DGKB: variants seen among roughly 807,000 people sequenced by gnomAD.
The protein encoded by DGKB is 90 kDa diacylglycerol kinase.
Under a neutral mutation model 114.3 loss-of-function variants are expected in DGKB, and 67 were observed. The observed-to-expected ratio is 0.59, with a 90% CI of 0.48 to 0.72. The LOEUF (loss-of-function observed/expected upper bound fraction) is 0.72, where lower values mean the gene tolerates loss of function less well. DGKB is among the 30% of genes least tolerant of loss of function. The pLI is 0.00. For missense variants in DGKB, 907 were observed against 975.2 expected (o/e 0.93, Z 0.93); for synonymous variants, 398 against 323.1 (o/e 1.23, Z -2.49).
At chr7:14,308,254 C>G (rs962588516) in intron 23 of DGKB, among the ~76,000 whole-genome samples, 1 of 151,850 alleles carries the variant, frequency 6.6e-6, no homozygotes, top group African/African-American at 2.4e-5. Flanking sequence ...AATGGCTATG[C>G]CATGAGTAAT....
intron 21 of DGKB, among the ~76,000 whole-genome samples, chr7:14,440,255 C>A (rs1829893532): frequency 6.6e-6 from 1 of 152,108 alleles, no homozygotes; most frequent in Non-Finnish European, 1.5e-5. Flanking sequence ...TTCTGACTGC[C>A]CTCAGCATTC....
intron 13 of DGKB, among the ~76,000 whole-genome samples, chr7:14,637,862 C>T (rs1282493993): frequency 6.6e-6 from 1 of 151,772 alleles, no homozygotes; most frequent in African/African-American, 2.4e-5. Context: ...ATTGGAGTAA[C>T]ATTCACTAAA....
intron 2 of DGKB, among the ~76,000 whole-genome samples, chr7:14,779,987 A>T (rs1207630813): frequency 6.6e-6 from 1 of 151,152 alleles, no homozygotes; most frequent in Non-Finnish European, 1.5e-5. Context: ...CTCCATGGAG[A>T]TTCCTCTTCT....
chr7:14,852,606 T>C (rs1185161764), intron 1 of DGKB, among the ~76,000 whole-genome samples: 1 of 152,030 alleles, frequency 6.6e-6, no homozygotes, highest in Non-Finnish European at 1.5e-5. Flanking sequence ...TTTGTTTTTG[T>C]CTTTCATAAA....
At chr7:14,330,910 A>C (rs571592372) in intron 23 of DGKB, among the ~76,000 whole-genome samples, 14 of 152,070 alleles carry the variant, frequency 9.2e-5, no homozygotes, top group African/African-American at 3.1e-4. Flanking sequence ...TATATATTGA[A>C]AATTTTTTTA....
chr7:14,761,715 G>A (rs1835723258), intron 2 of DGKB, among the ~76,000 whole-genome samples: 1 of 152,186 alleles, frequency 6.6e-6, no homozygotes, highest in Non-Finnish European at 1.5e-5. Flanking sequence ...GAGCAATGCT[G>A]AGAAATCCAG....
At chr7:14,380,830 A>G (rs957022402) in intron 21 of DGKB, among the ~76,000 whole-genome samples, 5 of 152,224 alleles carry the variant, frequency 3.3e-5, no homozygotes, top group African/African-American at 1.2e-4. Context: ...TTTTAATTCT[A>G]CAGACATTGC....
At chr7:14,445,097 C>T (rs1184281833) in intron 21 of DGKB, among the ~76,000 whole-genome samples, 1 of 151,834 alleles carries the variant, frequency 6.6e-6, no homozygotes, top group African/African-American at 2.4e-5. Flanking sequence ...TATATATTCT[C>T]ATTCTTTCTT....
intron 1 of DGKB, among the ~76,000 whole-genome samples, chr7:14,866,806 A>C (rs781430976): frequency 2.0e-5 from 3 of 152,128 alleles, no homozygotes; most frequent in Non-Finnish European, 4.4e-5. Flanking sequence ...GAAACCACCA[A>C]ACTGTTTTTC....
chr7:14,250,696 T>C (rs1411532916), intron 23 of DGKB, among the ~76,000 whole-genome samples: 1 of 152,164 alleles, frequency 6.6e-6, no homozygotes, highest in Non-Finnish European at 1.5e-5. Context: ...TGTTTCCTTA[T>C]TGATTTTCTG....
intron 23 of DGKB, among the ~76,000 whole-genome samples, chr7:14,274,282 A>C (rs10950516): frequency 0.88 from 134,249 of 152,196 alleles, 59,523 homozygotes; most frequent in African/African-American, 0.97. Flanking sequence ...CAGTGTTTGG[A>C]AACAGCCTCC....
At chr7:14,283,694 C>G (rs1413565368) in intron 23 of DGKB, among the ~76,000 whole-genome samples, 1 of 151,954 alleles carries the variant, frequency 6.6e-6, no homozygotes, top group Non-Finnish European at 1.5e-5. Flanking sequence ...GAACAGAGCC[C>G]TGAGAAATAA....
chr7:14,704,818 T>A lies in DGKB; in HGVS notation c.467-3088A>T, dbSNP rs554895749. The stretch of plus-strand genomic sequence containing the variant: ...GACATCCACACCAAAAACCCATCTG[T>A]ACATCACCATCATCAAACACCAAAA... On this transcript the variant is annotated intron_variant, in intron 6 of 25. Transcript: ENST00000402815. Among the ~76,000 whole-genome samples the A allele has an allele frequency of 4.6e-5, 7 of 152,184 alleles. No homozygotes were observed. The South Asian group carries it at 1.5e-3, about 32-fold the overall frequency.
chr7:14,476,270 T>C lies in DGKB; in HGVS notation c.1835+1891A>G, dbSNP rs1020411935. ...AATAGCTATATTCATTTCCAGGATA[T>C]TTGAGGTGTATAATCAAGTGCTGAA... On this transcript the variant is annotated intron_variant, in intron 21 of 25. Transcript: ENST00000402815. 2.6e-5 allele frequency among the ~76,000 whole-genome samples: 4 copies of C among 151,926 alleles called. No individual in the cohort carries two copies. The South Asian group carries it at 6.2e-4, about 24-fold the overall frequency.
chr7:14,228,062 A>G (rs191001607), intron 23 of DGKB, among the ~76,000 whole-genome samples: 146 of 152,192 alleles, frequency 9.6e-4, no homozygotes, highest in Non-Finnish European at 1.6e-3. Flanking sequence ...AGGCTCAGAG[A>G]ACTCAATTCC....
At chr7:14,380,759 C>A (rs1819322535) in intron 21 of DGKB, among the ~76,000 whole-genome samples, 1 of 151,974 alleles carries the variant, frequency 6.6e-6, no homozygotes, top group Admixed American at 6.6e-5. Flanking sequence ...ATATTTTTTC[C>A]AATTTTTCTT....
chr7:14,293,377 C>T (rs1413567121), intron 23 of DGKB, among the ~76,000 whole-genome samples: 1 of 152,122 alleles, frequency 6.6e-6, no homozygotes, highest in Non-Finnish European at 1.5e-5. Context: ...CTTCCAATGA[C>T]TTCTGTTTTC....
intron 1 of DGKB, among the ~76,000 whole-genome samples, chr7:14,912,123 C>A (rs1314983952): frequency 6.6e-6 from 1 of 152,010 alleles, no homozygotes; most frequent in Non-Finnish European, 1.5e-5. Flanking sequence ...GTTTCCAAGG[C>A]CAAGTGGACA....
At chr7:14,827,139 T>A (rs961886780) in intron 2 of DGKB, among the ~76,000 whole-genome samples, 1 of 152,096 alleles carries the variant, frequency 6.6e-6, no homozygotes, top group Non-Finnish European at 1.5e-5. Context: ...AATAAACAAG[T>A]GTTTTCACCC....
Sources: gnomAD v4.1 joint callset for allele counts (sites outside exome capture counted in the v4.1 genomes callset) on GRCh38, gnomAD v4.1.1 for gene constraint, MANE v1.5 for transcripts, NCBI Gene and HGNC (gene_info 2026-07-23, HGNC 2026-07-21) for gene names.